ARAP2: variants seen among roughly 807,000 people sequenced by gnomAD.
ARAP2 encodes ArfGAP with RhoGAP domain, ankyrin repeat and PH domain 2.
A neutral mutation model predicts 194.5 loss-of-function variants in ARAP2; 148 were observed. The observed-to-expected ratio is 0.76, with a 90% CI of 0.67 to 0.87. The LOEUF (loss-of-function observed/expected upper bound fraction) is 0.87, where lower values mean the gene tolerates loss of function less well. ARAP2 is among the 40% of genes least tolerant of loss of function. The probability of loss-of-function intolerance (pLI) is 0.00; values close to 1 mark genes in which losing one functional copy is unlikely to be tolerated. For synonymous variants in ARAP2, 695 were observed against 683.5 expected, an observed-to-expected ratio of 1.02 and a Z score of -0.26; for missense variants, 2,128 against 1,989.7, an observed-to-expected ratio of 1.07 and a Z score of -1.32.
chr4:36,098,273 A>C (rs1474771907), intron 27 of ARAP2, among the ~76,000 whole-genome samples: 4 of 152,014 alleles, frequency 2.6e-5, no homozygotes, highest in African/African-American at 9.7e-5. Flanking sequence ...GCTAGCAATC[A>C]ATCATTATTC....
At chr4:36,069,500 T>C (rs1726302030) in intron 32 of ARAP2, among the ~76,000 whole-genome samples, 1 of 151,472 alleles carries the variant, frequency 6.6e-6, no homozygotes, top group South Asian at 2.1e-4. Context: ...TTATCGCAAA[T>C]GAAGTAAAAA....
chr4:36,039,950 G>A (rs1720564190), intron 5 of ARAP2, among the ~76,000 whole-genome samples: 1 of 152,132 alleles, frequency 6.6e-6, no homozygotes. Flanking sequence ...TGTGGAAAAG[G>A]AAATAAACTT....
At chr4:36,069,742 T>C (rs889012658) in intron 32 of ARAP2, among the ~76,000 whole-genome samples, 6 of 152,134 alleles carry the variant, frequency 3.9e-5, no homozygotes, top group Non-Finnish European at 7.3e-5. Context: ...ACTACTGATA[T>C]GGTTTGCATC....
Position 36,031,368 on chromosome 4 carries a change from G to A in ARAP2, n.608-12082C>T, listed in dbSNP as rs561236677. ...AAAACTGTACTCCATTGTAGCAATC[G>A]AATGCCTTCTTATACTAAGAAGCTT... On this transcript the variant is annotated intron_variant and non_coding_transcript_variant, in intron 5 of 12. Coordinates refer to the ARAP2 transcript ENST00000503225. 5.9e-5 allele frequency among the ~76,000 whole-genome samples: 9 copies of A among 152,130 alleles called. No homozygotes were observed. In the South Asian group the frequency reaches 1.5e-3, roughly 25 times the overall value.
chr4:36,174,033 A>G (rs778853664), intron 9 of ARAP2, among the ~76,000 whole-genome samples: 2 of 152,192 alleles, frequency 1.3e-5, no homozygotes, highest in Non-Finnish European at 2.9e-5. Flanking sequence ...TATTTATTTG[A>G]CATTATGTGT....
intron 6 of ARAP2, among the ~76,000 whole-genome samples, chr4:36,204,987 CAAAAAAAAAAAAAAAAAAAA>C (rs754960122): frequency 8.6e-5 from 3 of 35,072 alleles, no homozygotes; most frequent in African/African-American, 2.7e-4. Flanking sequence ...GACTCCATCT[CAAAAAAAAAAAAAAAAAAAA>C]AAAAAAAAAA....
chr4:36,105,508 A>G (rs1386119325), intron 27 of ARAP2, among the ~76,000 whole-genome samples: 1 of 151,956 alleles, frequency 6.6e-6, no homozygotes, highest in African/African-American at 2.4e-5. Flanking sequence ...GGACACACTC[A>G]TAACTCCATC....
At chr4:36,135,020 C>T (rs1050504313) in intron 19 of ARAP2, among the ~76,000 whole-genome samples, 5 of 151,656 alleles carry the variant, frequency 3.3e-5, no homozygotes, top group African/African-American at 9.7e-5. Context: ...TCAGTATCTC[C>T]GGTCATTAGC....
intron 15 of ARAP2, among the ~76,000 whole-genome samples, 182 bp from the exon 16 acceptor site, chr4:36,151,226 A>G (rs1320280357): frequency 6.6e-6 from 1 of 152,220 alleles, no homozygotes; most frequent in Admixed American, 6.5e-5. Context: ...CTGCTCTCCA[A>G]AGAATTTACA....
chr4:36,113,899 G>A (rs1046458548), intron 26 of ARAP2, among the ~76,000 whole-genome samples: 1 of 151,750 alleles, frequency 6.6e-6, no homozygotes, highest in Non-Finnish European at 1.5e-5. Flanking sequence ...AAATCAAATC[G>A]CTTGTCCTTA....
At chr4:36,155,388 T>C (rs1272109220) in intron 15 of ARAP2, among the ~76,000 whole-genome samples, 2 of 152,160 alleles carry the variant, frequency 1.3e-5, no homozygotes, top group Non-Finnish European at 2.9e-5. Context: ...CAGAGAGGCC[T>C]CACTAACTAG....
At chr4:36,128,770 AC>A in intron 20 of ARAP2, 25 bp from the exon 21 acceptor site, 2 of 1,548,796 alleles carry the variant, frequency 1.3e-6, no homozygotes, top group Non-Finnish European at 1.8e-6. Flanking sequence ...AAAAAGTTAT[AC>A]TTTAAAAGTC....
chr4:36,080,155 C>G, intron 31 of ARAP2, 61 bp downstream of exon 31: 3 of 1,405,812 alleles, frequency 2.1e-6, no homozygotes, highest in Non-Finnish European at 3.0e-6. Context: ...CACCATCACA[C>G]TAACATTTCC....
intron 5 of ARAP2, among the ~76,000 whole-genome samples, chr4:36,039,810 C>A (rs1353280248): frequency 6.6e-6 from 1 of 151,964 alleles, no homozygotes; most frequent in Non-Finnish European, 1.5e-5. Flanking sequence ...GGCATGAAGA[C>A]CAGGTGTCAG....
rs1039647414 is a variant in ARAP2 at position 36,163,253 on chromosome 4, T to G, written c.2173+1661A>C. Among the ~76,000 whole-genome samples, 9 of 149,700 alleles carry G rather than the reference T, an allele frequency of 6.0e-5. 1 individual carries two copies. The highest frequency in any genetic ancestry group is 7.0e-3 in the Middle Eastern group (2 of 286). On this transcript the variant is annotated intron_variant, in intron 11 of 32. Coordinates refer to ENST00000303965, the MANE Select transcript of ARAP2 (RefSeq NM_015230.4). ...GCATGGAAATACATGGGAAAAAAAA[T>G]ACTGGAAAAAAAAAGACTGGTAATA...
chr4:36,021,658 C>A (rs751236674), intron 5 of ARAP2, among the ~76,000 whole-genome samples: 11 of 152,166 alleles, frequency 7.2e-5, no homozygotes, highest in Non-Finnish European at 1.6e-4. Flanking sequence ...CCAATTCAAC[C>A]TATTTTCTTA....
chr4:36,199,918 G>A (rs749507622), intron 6 of ARAP2, among the ~76,000 whole-genome samples: 47 of 151,848 alleles, frequency 3.1e-4, no homozygotes, highest in Non-Finnish European at 5.6e-4. Context: ...CAATATATAG[G>A]GATATCAAAT....
At chr4:36,228,287 A>G (rs141222305) in intron 2 of ARAP2, among the ~76,000 whole-genome samples, 250 of 152,338 alleles carry the variant, frequency 1.6e-3, no homozygotes, top group African/African-American at 5.7e-3. Flanking sequence ...TGGAAAGACT[A>G]CAATACTAGG....
Position 36,080,257 on chromosome 4 carries a change from G to C in ARAP2, c.4567C>G (p.Arg1523Gly), listed in dbSNP as rs1199255121. Reference protein sequence around the residue: ...HHWHLCCDSSRTQTEWMTSIF... With the variant: ...HHWHLCCDSSGTQTEWMTSIF... ...CTGGTCATCCACTCCGTCTGAGTTC[G>C]TGAACTATCACAACACAGGTGCCTG... is the stretch of plus-strand genomic sequence containing the variant. Residue 1523 changes from arginine to glycine, a missense_variant, in exon 31 of 33, where the codon CGA becomes GGA. By Grantham distance (125) the Arg-to-Gly change is moderately radical (BLOSUM62 -2). Coordinates refer to ENST00000303965, the MANE Select transcript of ARAP2 (RefSeq NM_015230.4). The C allele has an allele frequency of 6.2e-7, 1 of 1,612,910 alleles. No individual in the cohort carries two copies. Among genetic ancestry groups the C allele is most frequent in the Non-Finnish European group, 8.5e-7 (1 of 1,179,306 alleles).
Sources: gnomAD v4.1 joint callset for allele counts (sites outside exome capture counted in the v4.1 genomes callset) on GRCh38, gnomAD v4.1.1 for gene constraint, MANE v1.5 for transcripts, NCBI Gene and HGNC (gene_info 2026-07-23, HGNC 2026-07-21) for gene names.